Variants in SLC4A4 observed in about 807,000 individuals in gnomAD.
The protein encoded by SLC4A4 is solute carrier family 4 member 4.
In SLC4A4, 27 loss-of-function variants were observed where a neutral mutation model predicts 111.5. The ratio of observed to expected loss-of-function variants is 0.24; its 90% CI spans 0.18 to 0.33. The LOEUF (loss-of-function observed/expected upper bound fraction) is 0.33, where lower values mean the gene tolerates loss of function less well. Ranked by LOEUF, SLC4A4 falls within the 10% of genes least tolerant of loss-of-function variation. The pLI, the probability that SLC4A4 is intolerant of heterozygous loss-of-function variation, is 1.00. For missense variants in SLC4A4, 909 were observed against 1,315.5 expected (o/e 0.69, Z 4.78); for synonymous variants, 443 against 463.4 (o/e 0.96, Z 0.57).
chr4:71,262,753 CA>C, intron 3 of SLC4A4, among the ~76,000 whole-genome samples: 1 of 151,926 alleles, frequency 6.6e-6, no homozygotes, highest in South Asian at 2.1e-4. Flanking sequence ...AACAAACAAA[CA>C]AACAATCCTT....
intron 6 of SLC4A4, among the ~76,000 whole-genome samples, chr4:71,390,251 A>G (rs1719134338): frequency 1.3e-5 from 2 of 152,132 alleles, no homozygotes; most frequent in Admixed American, 1.3e-4. Flanking sequence ...ATCCTAAGTG[A>G]TTTGTTCTCT....
chr4:71,546,770 A>G (rs1411508562), intron 19 of SLC4A4, among the ~76,000 whole-genome samples: 1 of 152,028 alleles, frequency 6.6e-6, no homozygotes, highest in Admixed American at 6.6e-5. Flanking sequence ...ATATAAAACT[A>G]CAACCAGATT....
At chr4:71,371,245 C>CTTTTT (rs71213506) in intron 6 of SLC4A4, among the ~76,000 whole-genome samples, 1 of 120,078 alleles carries the variant, frequency 8.3e-6, no homozygotes, top group Admixed American at 9.5e-5. Context: ...CCAGGAATGC[C>CTTTTT]TTTTTTTTTT....
intron 3 of SLC4A4, among the ~76,000 whole-genome samples, chr4:71,312,071 A>C (rs575033073): frequency 3.9e-4 from 60 of 152,328 alleles, no homozygotes; most frequent in Non-Finnish European, 7.6e-4. Context: ...TAGACACAAT[A>C]AAAATTGATA....
At chr4:71,069,492 A>G (rs1741612679) in intron 1 of SLC4A4, among the ~76,000 whole-genome samples, 1 of 152,172 alleles carries the variant, frequency 6.6e-6, no homozygotes, top group South Asian at 2.1e-4. Flanking sequence ...TGGTCCACCT[A>G]TTTCTGAGTT....
intron 20 of SLC4A4, among the ~76,000 whole-genome samples, chr4:71,552,697 C>T (rs993341467): frequency 2.0e-5 from 3 of 151,630 alleles, no homozygotes; most frequent in African/African-American, 7.3e-5. Flanking sequence ...TATAATTATA[C>T]TTTTGTGCTT....
intron 12 of SLC4A4, 133 bp downstream of exon 12, chr4:71,453,802 T>G: frequency 1.2e-6 from 1 of 825,460 alleles, no homozygotes; most frequent in Non-Finnish European, 2.0e-6. Flanking sequence ...TGCTGCATTT[T>G]ACTTTGCTTC....
At chr4:71,563,985 A>G (rs534064303) in intron 24 of SLC4A4, 96 bp downstream of exon 24, 3 of 840,026 alleles carry the variant, frequency 3.6e-6, no homozygotes, top group East Asian at 4.9e-5. Context: ...CTTTCCCTCA[A>G]TTTTGTTTTT....
chr4:71,162,997 G>A (rs1272202667), intron 2 of SLC4A4, among the ~76,000 whole-genome samples: 3 of 152,126 alleles, frequency 2.0e-5, no homozygotes, highest in Non-Finnish European at 4.4e-5. Flanking sequence ...CACAGACTGG[G>A]GGTCAGGGAG....
intron 2 of SLC4A4, among the ~76,000 whole-genome samples, chr4:71,152,936 A>G (rs1578529174): frequency 6.7e-6 from 1 of 149,664 alleles, no homozygotes; most frequent in East Asian, 1.9e-4. Flanking sequence ...TATATCACAT[A>G]TATATATCCT....
At chr4:71,351,252 C>G (rs1429980766) in intron 5 of SLC4A4, among the ~76,000 whole-genome samples, 1 of 152,222 alleles carries the variant, frequency 6.6e-6, no homozygotes, top group Non-Finnish European at 1.5e-5. Context: ...GGATCCCTGT[C>G]CCACCCAGCC....
At chr4:71,242,694 T>C (rs1019970953) in intron 2 of SLC4A4, among the ~76,000 whole-genome samples, 1 of 151,606 alleles carries the variant, frequency 6.6e-6, no homozygotes, top group Non-Finnish European at 1.5e-5. Flanking sequence ...TTGGTTATTA[T>C]AATTTTCTTT....
At chr4:71,276,626 C>G (rs1723091278) in intron 3 of SLC4A4, among the ~76,000 whole-genome samples, 1 of 149,926 alleles carries the variant, frequency 6.7e-6, no homozygotes. Flanking sequence ...TTAGTTCCAT[C>G]TAAGTTGTTG....
intron 3 of SLC4A4, among the ~76,000 whole-genome samples, chr4:71,338,439 G>T (rs369259583): frequency 6.6e-6 from 1 of 152,228 alleles, no homozygotes; most frequent in East Asian, 1.9e-4. Context: ...TTTACCCAGG[G>T]ATTTTGAGGA....
At chr4:71,405,061 C>T (rs1017524307) in intron 7 of SLC4A4, among the ~76,000 whole-genome samples, 1 of 151,932 alleles carries the variant, frequency 6.6e-6, no homozygotes, top group East Asian at 1.9e-4. Flanking sequence ...AGCGATCTGC[C>T]TGTCTTGACC....
At chr4:71,077,410 C>T (rs971255124) in intron 1 of SLC4A4, among the ~76,000 whole-genome samples, 4 of 152,148 alleles carry the variant, frequency 2.6e-5, no homozygotes, top group African/African-American at 9.7e-5. Context: ...ATCCCTCCCA[C>T]CTTGGCCTCT....
At chr4:71,082,645 A>T (rs1448401149) in intron 1 of SLC4A4, among the ~76,000 whole-genome samples, 1 of 152,070 alleles carries the variant, frequency 6.6e-6, no homozygotes, top group East Asian at 1.9e-4. Context: ...TAACAATACC[A>T]TGTAGCCACC....
rs1407676295 is a variant in SLC4A4 at position 71,558,856 on chromosome 4, C to CT, written c.2937+978dup. 9.9e-5 allele frequency among the ~76,000 whole-genome samples: 15 copies of CT among 151,330 alleles called. No homozygotes were observed. The East Asian group carries it at 1.6e-3, about 16-fold the overall frequency. ...TAATGGTGGCTTATGTCTTTCTTTC[C>CT]TTTTTTTAAAAAAAAACTATATTAA... is the stretch of plus-strand genomic sequence containing the variant. On this transcript the variant is annotated intron_variant, in intron 22 of 25. Transcript: ENST00000264485.
At chr4:71,314,862 A>T (rs1184068239) in intron 3 of SLC4A4, among the ~76,000 whole-genome samples, 1 of 152,122 alleles carries the variant, frequency 6.6e-6, no homozygotes, top group Non-Finnish European at 1.5e-5. Context: ...GCAGCAAACC[A>T]CCATGGCACA....
Sources: gnomAD v4.1 joint callset for allele counts (sites outside exome capture counted in the v4.1 genomes callset) on GRCh38, gnomAD v4.1.1 for gene constraint, MANE v1.5 for transcripts, NCBI Gene and HGNC (gene_info 2026-07-23, HGNC 2026-07-21) for gene names.